KAT6B: variants seen among roughly 807,000 people sequenced by gnomAD.
The protein encoded by KAT6B is histone acetyltransferase KAT6B.
A neutral mutation model predicts 187.5 loss-of-function variants in KAT6B; 10 were observed. The observed-to-expected ratio is 0.05, with a 90% CI of 0.03 to 0.09. The LOEUF is 0.09. Ranked by LOEUF, KAT6B falls within the 10% of genes least tolerant of loss-of-function variation. KAT6B has a pLI of 1.00. For missense variants in KAT6B, 1,952 were observed against 2,558.9 expected (o/e 0.76, Z 5.12); for synonymous variants, 861 against 926.8 (o/e 0.93, Z 1.29).
intron 13 of KAT6B, among the ~76,000 whole-genome samples, chr10:74,990,443 G>A (rs1843065287): frequency 6.6e-6 from 1 of 152,084 alleles, no homozygotes; most frequent in African/African-American, 2.4e-5. Context: ...TCTGATTAAA[G>A]TGTAAAATAA....
chr10:75,020,785 C>T lies in KAT6B; in HGVS notation c.2833C>T (p.Leu945Phe), dbSNP rs200018142. The T allele has an allele frequency of 2.3e-4, 366 of 1,614,022 alleles. 1 individual carries two copies. Among genetic ancestry groups the T allele is most frequent in the Non-Finnish European group, 2.9e-4 (341 of 1,180,038 alleles). Reference sequence around the variant, plus strand: ...TGACATTGCCACCACTCTGCAGCACCTCCACATGATCGACAAGAGAGATGG... The same window carrying T: ...TGACATTGCCACCACTCTGCAGCACTTCCACATGATCGACAAGAGAGATGG... ...PHDIATTLQH[L>F]HMIDKRDGRF... Residue 945 changes from leucine to phenylalanine, a missense_variant, in exon 14 of 18, where the codon CTC (leucine) becomes TTC (phenylalanine). Around this residue, in one of 9 missense-constraint regions of KAT6B, gnomAD observed 758 missense variants for 891.4 expected, o/e 0.85. Coordinates refer to ENST00000287239, the MANE Select transcript of KAT6B (RefSeq NM_012330.4).
At chr10:74,985,551 A>C (rs1031452221) in intron 12 of KAT6B, among the ~76,000 whole-genome samples, 2 of 152,214 alleles carry the variant, frequency 1.3e-5, no homozygotes, top group Non-Finnish European at 2.9e-5. Context: ...AGTGGTGTCA[A>C]CATGAAGGTT....
intron 3 of KAT6B, among the ~76,000 whole-genome samples, chr10:74,918,300 A>G (rs1270101142): frequency 6.6e-6 from 1 of 152,246 alleles, no homozygotes; most frequent in African/African-American, 2.4e-5. Flanking sequence ...CTCTTGTTCT[A>G]ATATATTCTA....
chr10:74,980,803 T>G (rs974554665), intron 10 of KAT6B, among the ~76,000 whole-genome samples: 30 of 152,210 alleles, frequency 2.0e-4, no homozygotes, highest in Non-Finnish European at 2.9e-5. Flanking sequence ...AGAGAGGTGT[T>G]TGTCTTTTAC....
rs558905311 is a variant in KAT6B, at chr10:74,891,897, A to G, written c.621+48419A>G. Among the ~76,000 whole-genome samples, 3 of 152,344 alleles carry G rather than the reference A, an allele frequency of 2.0e-5. No homozygotes were observed. The South Asian group carries it at 6.2e-4, about 32-fold the overall frequency. ...TGTCTGTAATGGACATCTGCTGTCC[A>G]CTATAGGTTGCCCAATAATGAGTCC... On this transcript the variant is annotated intron_variant, in intron 3 of 17. Coordinates refer to ENST00000287239, the MANE Select transcript of KAT6B (RefSeq NM_012330.4).
intron 3 of KAT6B, among the ~76,000 whole-genome samples, chr10:74,872,878 A>G (rs942948008): frequency 6.6e-6 from 1 of 152,106 alleles, no homozygotes; most frequent in Non-Finnish European, 1.5e-5. Context: ...GGAGGAAGAA[A>G]ACTTACTGTA....
rs111452218 is a variant in KAT6B at position 74,870,137 on chromosome 10, G to A, written c.621+26659G>A. Among the ~76,000 whole-genome samples the A allele has an allele frequency of 1.1e-3, 164 of 152,232 alleles. 4 individuals carry two copies. The highest frequency in any genetic ancestry group is 3.8e-3 in the African/African-American group (156 of 41,544). ...TCTACAAAAATACAAAAATTAGACA[G>A]GTGTGATGGCATGCCCCTGTAGTCC... On this transcript the variant is annotated intron_variant, in intron 3 of 17. Coordinates refer to ENST00000287239, the MANE Select transcript of KAT6B (RefSeq NM_012330.4).
At chr10:74,869,381 T>C (rs1035074833) in intron 3 of KAT6B, among the ~76,000 whole-genome samples, 2 of 152,162 alleles carry the variant, frequency 1.3e-5, no homozygotes, top group Non-Finnish European at 2.9e-5. Context: ...CAGTGCAACC[T>C]CTGTCTCCTG....
chr10:74,833,156 A>T (rs933729460), intron 1 of KAT6B, among the ~76,000 whole-genome samples: 15 of 151,874 alleles, frequency 9.9e-5, no homozygotes, highest in Admixed American at 7.9e-4. Flanking sequence ...AAAAAAAAAA[A>T]AAATCACATT....
intron 3 of KAT6B, among the ~76,000 whole-genome samples, chr10:74,845,633 A>T (rs1476226435): frequency 6.6e-6 from 1 of 151,526 alleles, no homozygotes; most frequent in Non-Finnish European, 1.5e-5. Context: ...AGTAACTGGG[A>T]ATACAGGTGT....
intron 1 of KAT6B, among the ~76,000 whole-genome samples, chr10:74,828,592 G>T (rs1310136551): frequency 3.6e-5 from 5 of 138,100 alleles, no homozygotes; most frequent in African/African-American, 1.1e-4. Context: ...TTTTGAGACG[G>T]AGTCTCAGTC....
Position 75,028,856 on chromosome 10 carries a change from A to T in KAT6B, c.4032A>T (p.Glu1344Asp). The change falls in exon 18 of 18, where the codon GAA (glutamate) becomes GAT (aspartate). Residue 1344 changes from glutamate (E) to aspartate (D), a missense_variant. Transcript: ENST00000287239. ...SPNTSPGEKP[E>D]DDLIKPEEEE... The stretch of plus-strand genomic sequence containing the variant: ...ACACATCACCAGGTGAAAAACCAGA[A>T]GATGATCTCATCAAACCTGAGGAAG... 1 of 1,614,132 alleles carries T rather than the reference A, an allele frequency of 6.2e-7. No individual in the cohort carries two copies. The highest frequency in any genetic ancestry group is 8.5e-7 in the Non-Finnish European group (1 of 1,180,024).
At chr10:74,977,709 G>A (rs965777858) in intron 9 of KAT6B, among the ~76,000 whole-genome samples, 2 of 152,162 alleles carry the variant, frequency 1.3e-5, no homozygotes, top group African/African-American at 4.8e-5. Flanking sequence ...ACATTTCTAG[G>A]TGTGAAGGAA....
At chr10:74,854,155 C>T (rs1210437964) in intron 3 of KAT6B, among the ~76,000 whole-genome samples, 1 of 152,150 alleles carries the variant, frequency 6.6e-6, no homozygotes, top group Admixed American at 6.5e-5. Flanking sequence ...AATTAGCTCA[C>T]CAAATTAAAG....
At chr10:74,848,515 A>G (rs769090098) in intron 3 of KAT6B, among the ~76,000 whole-genome samples, 2 of 151,604 alleles carry the variant, frequency 1.3e-5, no homozygotes, top group African/African-American at 2.4e-5. Flanking sequence ...AACAACAACA[A>G]CAAGAACAAC....
At chr10:75,004,020 C>T (rs1844033628) in intron 13 of KAT6B, among the ~76,000 whole-genome samples, 1 of 150,026 alleles carries the variant, frequency 6.7e-6, no homozygotes, top group South Asian at 2.1e-4. Context: ...TTACATAGCT[C>T]AGAATTTTTT....
chr10:74,838,968 C>G (rs1013690715), intron 2 of KAT6B, among the ~76,000 whole-genome samples: 7 of 152,020 alleles, frequency 4.6e-5, no homozygotes, highest in African/African-American at 1.7e-4. Context: ...GCCTGGCCAA[C>G]ATGGCAAAAC....
intron 1 of KAT6B, among the ~76,000 whole-genome samples, chr10:74,827,429 T>A (rs1025585281): frequency 5.3e-5 from 8 of 151,430 alleles, no homozygotes; most frequent in Admixed American, 2.0e-4. Context: ...GAGGAGCAGG[T>A]ACGATTGCAG....
chr10:74,874,217 A>G (rs1844224997), intron 3 of KAT6B, among the ~76,000 whole-genome samples: 1 of 152,222 alleles, frequency 6.6e-6, no homozygotes, highest in African/African-American at 2.4e-5. Flanking sequence ...GAAGGAACTT[A>G]TGTTATCACA....
Sources: allele counts gnomAD v4.1 joint callset (sites outside exome capture counted in the v4.1 genomes callset), GRCh38; gene constraint gnomAD v4.1.1; regional missense constraint gnomAD v4.1.1; transcripts MANE v1.5; gene names NCBI Gene and HGNC (gene_info 2026-07-23, HGNC 2026-07-21).